The following PLPP1 variants were observed in gnomAD, a reference collection of about 807,000 sequenced individuals.
PLPP1 encodes the protein phospholipid phosphatase 1, also known as lipid phosphate phosphohydrolase 1a.
In PLPP1, 24 loss-of-function variants were observed where a neutral mutation model predicts 31.2. That is an observed-to-expected ratio of 0.77 (90% CI 0.56 to 1.08). The LOEUF is 1.08. Among genes scored for constraint, PLPP1 ranks in the 50% least tolerant of loss-of-function variants. The probability of loss-of-function intolerance (pLI) is 0.00; values close to 1 mark genes in which losing one functional copy is unlikely to be tolerated. For missense variants in PLPP1, 319 were observed against 342.7 expected (o/e 0.93, Z 0.55); for synonymous variants, 146 against 126.3 (o/e 1.16, Z -1.05).
intron 1 of PLPP1, among the ~76,000 whole-genome samples, chr5:55,480,995 T>C (rs1752656590): frequency 6.6e-6 from 1 of 152,242 alleles, no homozygotes. Context: ...CAACTTTCTA[T>C]ATTTTACCAG....
chr5:55,515,087 T>G (rs897229742), intron 1 of PLPP1, among the ~76,000 whole-genome samples: 1 of 152,252 alleles, frequency 6.6e-6, no homozygotes, highest in African/African-American at 2.4e-5. Context: ...TAATCAACTG[T>G]GCGACCTAAC....
rs1042258991 is a variant in PLPP1, at chr5:55,426,121, A to G, written c.550-82T>C. 9.8e-6 allele frequency: 12 copies of G among 1,226,136 alleles called. No individual in the cohort carries two copies. In the African/African-American group the frequency reaches 1.5e-4, roughly 16 times the overall value. 76.0% of individuals were successfully genotyped at this position (1,226,136 alleles called of 1,614,324 possible). A position where few individuals can be genotyped will look rare whatever the true frequency, so the allele number is the denominator to read the frequency against. On this transcript the variant is annotated intron_variant, in intron 4 of 5. Transcript: ENST00000307259. ...TATTAAGGAAGGGTTGGCATTTGAA[A>G]TGATTATCAAAGTATTATTATATAG...
chr5:55,500,567 T>C (rs1355626486), intron 1 of PLPP1, among the ~76,000 whole-genome samples: 1 of 152,202 alleles, frequency 6.6e-6, no homozygotes, highest in Non-Finnish European at 1.5e-5. Context: ...CTACTGTATA[T>C]ACTTCCATGT....
chr5:55,425,783 T>C (rs1020391627), intron 5 of PLPP1, 80 bp downstream of exon 5: 34 of 1,230,526 alleles, frequency 2.8e-5, no homozygotes, highest in South Asian at 3.6e-5. Context: ...CAGCTGGGGA[T>C]TTTTTGGATT....
intron 4 of PLPP1, among the ~76,000 whole-genome samples, chr5:55,428,193 T>C (rs976644703): frequency 6.6e-6 from 1 of 152,240 alleles, no homozygotes; most frequent in Non-Finnish European, 1.5e-5. Flanking sequence ...ACTCTGACCA[T>C]GGACCCAGAA....
chr5:55,534,458 C>T (rs958446424), intron 1 of PLPP1, 114 bp downstream of exon 1: 5 of 1,130,268 alleles, frequency 4.4e-6, no homozygotes, highest in Admixed American at 3.3e-5. Flanking sequence ...CCGTGTGTCG[C>T]CCCACAGCTG....
Position 55,534,824 on chromosome 5 carries a change from C to G in PLPP1, c.-195G>C. On this transcript the variant is annotated 5_prime_UTR_variant, in exon 1 of 6. Transcript: ENST00000307259. ...ACCGCCAGCAATGGCGCCCGGGGCCCTCCCCTCACAGCCCCCGCGAACACT... is the reference window on the plus strand; with the variant it reads ...ACCGCCAGCAATGGCGCCCGGGGCCGTCCCCTCACAGCCCCCGCGAACACT... 1 of 554,934 alleles carries G rather than the reference C, an allele frequency of 1.8e-6. No homozygotes were observed. Among genetic ancestry groups the G allele is most frequent in the Non-Finnish European group, 3.1e-6 (1 of 324,096 alleles). 34.4% of individuals were successfully genotyped at this position (554,934 alleles called of 1,614,324 possible). A position where few individuals can be genotyped will look rare whatever the true frequency, so the allele number is the denominator to read the frequency against.
chr5:55,504,551 A>C (rs933437150), intron 1 of PLPP1, among the ~76,000 whole-genome samples: 3 of 127,848 alleles, frequency 2.3e-5, no homozygotes, highest in Non-Finnish European at 3.4e-5. Flanking sequence ...AAAAAAAAAG[A>C]CTAATGAAAC....
chr5:55,532,720 A>C (rs1487535897), intron 1 of PLPP1, among the ~76,000 whole-genome samples: 1 of 152,188 alleles, frequency 6.6e-6, no homozygotes, highest in Non-Finnish European at 1.5e-5. Flanking sequence ...GCACTTTGGG[A>C]GGCCAAGGCG....
intron 1 of PLPP1, among the ~76,000 whole-genome samples, chr5:55,532,935 G>C (rs1358067629): frequency 7.1e-6 from 1 of 140,952 alleles, no homozygotes; most frequent in Non-Finnish European, 1.5e-5. Context: ...CAGCCTGGGC[G>C]ACAGAGCAAG....
At chr5:55,505,044 C>T (rs1446054273) in intron 1 of PLPP1, among the ~76,000 whole-genome samples, 1 of 152,078 alleles carries the variant, frequency 6.6e-6, no homozygotes, top group Non-Finnish European at 1.5e-5. Flanking sequence ...CTCCTGGTCG[C>T]AAGTGATGCG....
At chr5:55,464,880 A>G (rs369381939) in intron 3 of PLPP1, among the ~76,000 whole-genome samples, 3 of 152,332 alleles carry the variant, frequency 2.0e-5, no homozygotes, top group African/African-American at 7.2e-5. Context: ...AATGGTAAAT[A>G]ACTTTACAAA....
At chr5:55,425,835 G>A in intron 5 of PLPP1, 28 bp downstream of exon 5, 1 of 1,510,522 alleles carries the variant, frequency 6.6e-7, no homozygotes, top group South Asian at 1.3e-5. Flanking sequence ...GCAATATCAA[G>A]ATGTAGGCTG....
chr5:55,534,545 C>T, intron 1 of PLPP1, 27 bp downstream of exon 1: 1 of 1,526,248 alleles, frequency 6.6e-7, no homozygotes, highest in Non-Finnish European at 8.8e-7. Context: ...CCGCACACGC[C>T]CCTCGGACCC....
chr5:55,456,011 T>C (rs1023167815), intron 3 of PLPP1, among the ~76,000 whole-genome samples: 1 of 152,052 alleles, frequency 6.6e-6, no homozygotes, highest in African/African-American at 2.4e-5. Context: ...GCTTTTTTTT[T>C]CCCCAGAAAA....
intron 4 of PLPP1, among the ~76,000 whole-genome samples, chr5:55,440,134 A>T (rs1751589513): frequency 6.6e-6 from 1 of 152,210 alleles, no homozygotes; most frequent in Non-Finnish European, 1.5e-5. Flanking sequence ...CATCATCAAG[A>T]TCAATCAAAA....
chr5:55,516,759 T>C (rs1403862437), intron 1 of PLPP1, among the ~76,000 whole-genome samples: 1 of 152,216 alleles, frequency 6.6e-6, no homozygotes, highest in African/African-American at 2.4e-5. Flanking sequence ...AATATCTACA[T>C]ATTAGTAAAA....
chr5:55,471,401 C>T (rs955204032), intron 2 of PLPP1, among the ~76,000 whole-genome samples: 3 of 152,082 alleles, frequency 2.0e-5, no homozygotes, highest in East Asian at 1.9e-4. Flanking sequence ...GGAGTTTCAC[C>T]GTCTTGACCA....
intron 1 of PLPP1, among the ~76,000 whole-genome samples, chr5:55,492,496 T>C (rs917063524): frequency 5.9e-5 from 9 of 152,058 alleles, no homozygotes; most frequent in African/African-American, 2.2e-4. Context: ...CAATACAGAC[T>C]GGAGGAGTTA....
Sources: gnomAD v4.1 joint callset for allele counts (sites outside exome capture counted in the v4.1 genomes callset) on GRCh38, gnomAD v4.1.1 for gene constraint, MANE v1.5 for transcripts, NCBI Gene and HGNC (gene_info 2026-07-23, HGNC 2026-07-21) for gene names.